NCALD: variants seen among roughly 807,000 people sequenced by gnomAD.
The protein encoded by NCALD is neurocalcin-delta.
Under a neutral mutation model 18.6 loss-of-function variants are expected in NCALD, and 10 were observed. The ratio of observed to expected loss-of-function variants is 0.54; its 90% CI spans 0.33 to 0.91. The LOEUF (loss-of-function observed/expected upper bound fraction) is 0.91. NCALD is among the 40% of genes least tolerant of loss of function. The pLI is 0.03. For missense variants in NCALD, 184 were observed against 247.6 expected (o/e 0.74, Z 1.72); for synonymous variants, 88 against 87.4 (o/e 1.01, Z -0.04).
chr8:101,908,435 C>G (rs1186013073), intron 3 of NCALD, among the ~76,000 whole-genome samples: 2 of 152,082 alleles, frequency 1.3e-5, no homozygotes, highest in East Asian at 3.8e-4. Context: ...TCCTCTGACC[C>G]CACAAACAAT....
chr8:101,748,344 A>G (rs1225363639), intron 1 of NCALD, among the ~76,000 whole-genome samples: 2 of 152,258 alleles, frequency 1.3e-5, no homozygotes, highest in African/African-American at 4.8e-5. Flanking sequence ...TTGTAGGATC[A>G]TAAAGAATAT....
intron 4 of NCALD, among the ~76,000 whole-genome samples, chr8:101,804,604 A>G (rs1490323108): frequency 7.6e-6 from 1 of 131,266 alleles, no homozygotes; most frequent in Non-Finnish European, 1.5e-5. Flanking sequence ...TAATTAATAT[A>G]ATTAATTATA....
intron 3 of NCALD, among the ~76,000 whole-genome samples, chr8:101,914,090 A>G (rs1443793302): frequency 1.3e-5 from 2 of 152,206 alleles, no homozygotes; most frequent in African/African-American, 4.8e-5. Context: ...AAACTTTCTT[A>G]GTTTTTACCT....
At position 101,925,530 on chromosome 8, in the gene NCALD, C is replaced by T. The variant is rs147960214; in HGVS notation, c.-156-9672G>A. 6.6e-5 allele frequency among the ~76,000 whole-genome samples: 10 copies of T among 152,276 alleles called. No individual in the cohort carries two copies. In the East Asian group the frequency reaches 1.9e-3, roughly 29 times the overall value. ...TTCCCCCTCTCATTAGCACTTGGCT[C>T]ATTAGCACCATTGCCACTTCGGGTT... On this transcript the variant is annotated intron_variant, in intron 2 of 6. Coordinates refer to the NCALD transcript ENST00000311028.
rs545538709 is a variant in NCALD, at chr8:101,811,357, A to C, written c.-20+75784T>G. Among the ~76,000 whole-genome samples, 4 of 152,304 alleles carry C rather than the reference A, an allele frequency of 2.6e-5. No individual in the cohort carries two copies. In the South Asian group the frequency reaches 8.3e-4, roughly 32 times the overall value. ...GGAAGGGGCCATGAGCCAAAGATGT[A>C]GGCAGCCTCTAGAAGCTGGAAAAGG... On this transcript the variant is annotated intron_variant, in intron 4 of 6. Transcript: ENST00000311028.
At chr8:102,076,761 A>T (rs1035392924) in intron 1 of NCALD, among the ~76,000 whole-genome samples, 1 of 152,264 alleles carries the variant, frequency 6.6e-6, no homozygotes, top group Non-Finnish European at 1.5e-5. Flanking sequence ...AATTACAGGT[A>T]GCTATAATTA....
intron 4 of NCALD, among the ~76,000 whole-genome samples, chr8:101,827,980 G>C (rs190301400): frequency 6.6e-6 from 1 of 152,182 alleles, no homozygotes; most frequent in African/African-American, 2.4e-5. Context: ...TAGGTGCTGG[G>C]AATGCACTAT....
At chr8:101,974,826 G>A (rs1450664851) in intron 2 of NCALD, among the ~76,000 whole-genome samples, 2 of 152,168 alleles carry the variant, frequency 1.3e-5, no homozygotes, top group African/African-American at 2.4e-5. Flanking sequence ...AGTTATGCCA[G>A]AAAGGACAGG....
chr8:101,703,649 G>A (rs1324836314), intron 2 of NCALD, among the ~76,000 whole-genome samples: 1 of 152,224 alleles, frequency 6.6e-6, no homozygotes, highest in East Asian at 1.9e-4. Flanking sequence ...TTAATGCCTT[G>A]AGAGGGTTTC....
chr8:101,965,819 T>C (rs1247837371), intron 2 of NCALD, among the ~76,000 whole-genome samples: 1 of 152,192 alleles, frequency 6.6e-6, no homozygotes, highest in African/African-American at 2.4e-5. Context: ...TAAAAACACT[T>C]ATTTTTGGAA....
chr8:101,980,217 ATCT>A (rs1235687434), intron 2 of NCALD, among the ~76,000 whole-genome samples: 1 of 152,148 alleles, frequency 6.6e-6, no homozygotes, highest in African/African-American at 2.4e-5. Context: ...CCCACTCCCC[ATCT>A]TCTCCCTGCC....
chr8:101,985,173 G>C (rs1820760111), intron 2 of NCALD, among the ~76,000 whole-genome samples: 1 of 152,220 alleles, frequency 6.6e-6, no homozygotes, highest in African/African-American at 2.4e-5. Flanking sequence ...CCATGGAGGG[G>C]TGCACGTGGA....
chr8:101,712,929 C>T (rs920112727), intron 2 of NCALD, among the ~76,000 whole-genome samples: 2 of 152,144 alleles, frequency 1.3e-5, no homozygotes, highest in Admixed American at 6.5e-5. Context: ...CCAAGCAGAC[C>T]TAACAGACAT....
intron 2 of NCALD, among the ~76,000 whole-genome samples, chr8:101,924,094 T>G (rs1187267193): frequency 6.6e-6 from 1 of 152,150 alleles, no homozygotes; most frequent in Non-Finnish European, 1.5e-5. Context: ...CATCCATTGA[T>G]CCCCAGGGTC....
At chr8:102,105,889 A>G (rs1825428893) in intron 1 of NCALD, among the ~76,000 whole-genome samples, 1 of 152,232 alleles carries the variant, frequency 6.6e-6, no homozygotes, top group East Asian at 1.9e-4. Context: ...GGGAATAATA[A>G]CACACTACCT....
At chr8:101,691,188 C>G in intron 3 of NCALD, 3 of 985,446 alleles carry the variant, frequency 3.0e-6, no homozygotes, top group Non-Finnish European at 3.6e-6. Context: ...CCTGGTTGAG[C>G]TAAGATTCCT....
At chr8:101,715,729 A>G (rs1251498717) in intron 2 of NCALD, among the ~76,000 whole-genome samples, 1 of 152,258 alleles carries the variant, frequency 6.6e-6, no homozygotes, top group African/African-American at 2.4e-5. Flanking sequence ...GCTCATCATC[A>G]CTGGTCATTA....
chr8:102,099,875 G>C (rs574374266), intron 1 of NCALD, among the ~76,000 whole-genome samples: 7 of 151,892 alleles, frequency 4.6e-5, no homozygotes, highest in African/African-American at 1.4e-4. Context: ...AGGAGGCTGA[G>C]ACAGGAGAAT....
intron 1 of NCALD, among the ~76,000 whole-genome samples, chr8:102,070,612 C>A (rs1824151451): frequency 6.6e-6 from 1 of 152,182 alleles, no homozygotes; most frequent in South Asian, 2.1e-4. Flanking sequence ...TGCAAAGAAA[C>A]AATGGAATTA....
Sources: allele counts gnomAD v4.1 joint callset (sites outside exome capture counted in the v4.1 genomes callset), GRCh38; gene constraint gnomAD v4.1.1; transcripts MANE v1.5; gene names NCBI Gene and HGNC (gene_info 2026-07-23, HGNC 2026-07-21).